NBEAL1: variants seen among roughly 807,000 people sequenced by gnomAD.
The protein encoded by NBEAL1 is neurobeachin-like protein 1.
Under a neutral mutation model 351.3 loss-of-function variants are expected in NBEAL1, and 273 were observed. The ratio of observed to expected loss-of-function variants is 0.78; its 90% CI spans 0.70 to 0.86. NBEAL1 has a LOEUF of 0.86. NBEAL1 is among the 40% of genes least tolerant of loss of function. The pLI, the probability that NBEAL1 is intolerant of heterozygous loss-of-function variation, is 0.00. For missense variants in NBEAL1, 2,961 were observed against 3,201.3 expected, an observed-to-expected ratio of 0.92 and a Z score of 1.81; for synonymous variants, 1,050 against 1,086.4, an observed-to-expected ratio of 0.97 and a Z score of 0.66.
chr2:203,083,591 T>C, intron 9 of NBEAL1, 66 bp downstream of exon 9: 1 of 1,274,424 alleles, frequency 7.8e-7, no homozygotes, highest in South Asian at 1.6e-5. Flanking sequence ...CCACTTTCTT[T>C]TGAAATACAA....
chr2:203,019,239 T>C (rs2060729006), intron 2 of NBEAL1, among the ~76,000 whole-genome samples: 1 of 152,212 alleles, frequency 6.6e-6, no homozygotes, highest in Non-Finnish European at 1.5e-5. Flanking sequence ...TTTATTAGTG[T>C]AGCGGCCATC....
At chr2:203,051,803 A>G (rs1022497530) in intron 4 of NBEAL1, among the ~76,000 whole-genome samples, 7 of 152,190 alleles carry the variant, frequency 4.6e-5, no homozygotes, top group Admixed American at 1.3e-4. Context: ...TTAATGTTCA[A>G]TAGCTACCAG....
At position 203,164,435 on chromosome 2, in the gene NBEAL1, A is replaced by AT. The variant is rs928242565; in HGVS notation, c.5715-1704dup. 2.5e-3 allele frequency among the ~76,000 whole-genome samples: 374 copies of AT among 149,192 alleles called. 2 individuals carry two copies. Among genetic ancestry groups the AT allele is most frequent in the African/African-American group, 8.2e-3 (334 of 40,592 alleles). ...ATACTCAGTTGGCTTTGTAATTGGG[A>AT]TTTTTTTTTTCTTTCTTTGATGACT... is the stretch of plus-strand genomic sequence containing the variant. On this transcript the variant is annotated intron_variant, in intron 36 of 55. Coordinates refer to ENST00000683969, the MANE Select transcript of NBEAL1 (RefSeq NM_001378026.1).
At chr2:203,181,091 C>T (rs1286148548) in intron 43 of NBEAL1, 1 of 151,880 alleles carries the variant, frequency 6.6e-6, no homozygotes, top group African/African-American at 2.4e-5. Flanking sequence ...TCTGCACCAC[C>T]ATGCCTGCAA....
At chr2:203,213,464 T>G in intron 54 of NBEAL1, 54 bp from the exon 55 acceptor site, 1 of 1,461,016 alleles carries the variant, frequency 6.8e-7, no homozygotes, top group Non-Finnish European at 9.4e-7. Flanking sequence ...TAAAATTCTG[T>G]GAATTCATTA....
At chr2:203,122,453 TA>T in intron 19 of NBEAL1, 110 bp downstream of exon 19, 1 of 660,982 alleles carries the variant, frequency 1.5e-6, no homozygotes, top group Non-Finnish European at 2.6e-6. Context: ...AGGTCTCAGT[TA>T]AAGGGTTATG....
chr2:203,162,148 C>CA, intron 36 of NBEAL1, among the ~76,000 whole-genome samples: 1 of 150,738 alleles, frequency 6.6e-6, no homozygotes, highest in South Asian at 2.1e-4. Context: ...CTCAGCCTCT[C>CA]AAGTAGCTGG....
rs7592324 is a variant in NBEAL1, at chr2:203,088,777, C to T, written c.1098+4208C>T. ...AAGTAGGTTTGATCCATCCAAAATA[C>T]AGCAGTGTCCTAAGTATTTGACATG... On this transcript the variant is annotated intron_variant, in intron 10 of 55. Transcript: ENST00000683969. Among the ~76,000 whole-genome samples the T allele has an allele frequency of 5.0e-3, 756 of 152,282 alleles. 8 individuals carry two copies. Among genetic ancestry groups the T allele is most frequent in the African/African-American group, 0.017 (719 of 41,542 alleles).
At chr2:203,108,761 A>C (rs1239012051) in intron 14 of NBEAL1, among the ~76,000 whole-genome samples, 1 of 152,198 alleles carries the variant, frequency 6.6e-6, no homozygotes, top group African/African-American at 2.4e-5. Context: ...AATAACCTTG[A>C]AAATGGGCCA....
chr2:203,211,337 ACCGC>A, intron 54 of NBEAL1, among the ~76,000 whole-genome samples: 1 of 152,134 alleles, frequency 6.6e-6, no homozygotes, highest in Non-Finnish European at 1.5e-5. Flanking sequence ...TATATATTTT[ACCGC>A]AATTAAAAAA....
At chr2:203,095,499 G>A (rs1358798388) in intron 10 of NBEAL1, among the ~76,000 whole-genome samples, 1 of 151,898 alleles carries the variant, frequency 6.6e-6, no homozygotes, top group Non-Finnish European at 1.5e-5. Flanking sequence ...TCCCCATGTT[G>A]AGGCTGGTCT....
At position 203,138,103 on chromosome 2, in the gene NBEAL1, A is replaced by G; in HGVS notation, c.4566-59A>G. On this transcript the variant is annotated intron_variant, in intron 29 of 55. Coordinates refer to ENST00000683969, the MANE Select transcript of NBEAL1 (RefSeq NM_001378026.1). ...CTCAAGCTATTTTGTTTTGTTTTTA[A>G]TGTCCTACTGTTTTTCTAAGCTCAC... The G allele has an allele frequency of 2.6e-6, 4 of 1,539,106 alleles. No individual in the cohort carries two copies. The Admixed American group carries it at 7.4e-5, about 29-fold the overall frequency.
chr2:203,158,526 T>A (rs1423758934), intron 36 of NBEAL1, among the ~76,000 whole-genome samples: 2 of 152,194 alleles, frequency 1.3e-5, no homozygotes, highest in African/African-American at 4.8e-5. Flanking sequence ...AAATGTAAAA[T>A]GTATTAATTT....
At chr2:203,064,794 G>T (rs1455566951) in intron 6 of NBEAL1, among the ~76,000 whole-genome samples, 1 of 152,180 alleles carries the variant, frequency 6.6e-6, no homozygotes, top group East Asian at 1.9e-4. Context: ...ATGTTAGTGG[G>T]TGAACTGACA....
At chr2:203,054,357 C>T (rs189089707) in intron 4 of NBEAL1, among the ~76,000 whole-genome samples, 113 of 150,696 alleles carry the variant, frequency 7.5e-4, no homozygotes, top group Middle Eastern at 3.4e-3. Context: ...ACCCAGGAGG[C>T]GGAGGTTGCA....
rs531087112 is a variant in NBEAL1, at chr2:203,122,313, A to T, written c.2652A>T (p.Thr884=). Residue 884 remains threonine (T), a synonymous_variant, in exon 19 of 56, where the codon ACA becomes ACT. Transcript: ENST00000683969. ...CTAATTGTTTGCATGGAAGATTAAC[A>T]GGAAACAAAGTAGTGAACTGGGACA... ...LSTNCLHGRL[T]GNKVVNWDIK... The T allele has an allele frequency of 6.5e-6, 10 of 1,544,506 alleles. No individual in the cohort carries two copies. The African/African-American group carries it at 1.4e-4, about 21-fold the overall frequency.
At chr2:203,173,446 G>T (rs1367244788) in intron 41 of NBEAL1, among the ~76,000 whole-genome samples, 1 of 152,090 alleles carries the variant, frequency 6.6e-6, no homozygotes, top group Non-Finnish European at 1.5e-5. Flanking sequence ...TGAACTTAGG[G>T]ATGACTTTTG....
At chr2:203,053,855 C>T (rs1457463950) in intron 4 of NBEAL1, among the ~76,000 whole-genome samples, 3 of 152,066 alleles carry the variant, frequency 2.0e-5, no homozygotes, top group Non-Finnish European at 4.4e-5. Context: ...TAGTCTGCGA[C>T]TTGCCTTTTT....
In NBEAL1 at chr2:203,016,268, C is replaced by T; in HGVS notation, c.-117C>T. Reference sequence around the variant, plus strand: ...CATTTGTTTCACTTCTTTTTGCTTTCTTTACTGCTATGAGCTTTACTGAAC... The same window carrying T: ...CATTTGTTTCACTTCTTTTTGCTTTTTTTACTGCTATGAGCTTTACTGAAC... On this transcript the variant is annotated 5_prime_UTR_variant, in exon 2 of 56. Coordinates refer to ENST00000683969, the MANE Select transcript of NBEAL1 (RefSeq NM_001378026.1). The T allele has an allele frequency of 1.7e-6, 1 of 598,070 alleles. No individual in the cohort carries two copies. Among genetic ancestry groups the T allele is most frequent in the Non-Finnish European group, 2.7e-6 (1 of 374,628 alleles). 37.0% of individuals were successfully genotyped at this position (598,070 alleles called of 1,614,324 possible).
Sources: gnomAD v4.1 joint callset for allele counts (sites outside exome capture counted in the v4.1 genomes callset) on GRCh38, gnomAD v4.1.1 for gene constraint, MANE v1.5 for transcripts, NCBI Gene and HGNC (gene_info 2026-07-23, HGNC 2026-07-21) for gene names.